HADH: variants seen among roughly 807,000 people sequenced by gnomAD.
HADH encodes the protein hydroxyacyl-CoA dehydrogenase.
A neutral mutation model predicts 32.2 loss-of-function variants in HADH; 24 were observed. The ratio of observed to expected loss-of-function variants is 0.75; its 90% CI spans 0.54 to 1.05. The LOEUF (loss-of-function observed/expected upper bound fraction) is 1.05. Among genes scored for constraint, HADH ranks in the 50% least tolerant of loss-of-function variants. The pLI is 0.00. For missense variants in HADH, 350 were observed against 397.1 expected, an observed-to-expected ratio of 0.88 and a Z score of 1.01; for synonymous variants, 139 against 152.5, an observed-to-expected ratio of 0.91 and a Z score of 0.65.
intron 6 of HADH, chr4:108,029,187 C>G (rs376992637): frequency 1.3e-5 from 4 of 308,056 alleles, no homozygotes; most frequent in Non-Finnish European, 2.4e-5. Context: ...CACCTGCTCC[C>G]TCCTCTCAGC....
intron 7 of HADH, among the ~76,000 whole-genome samples, chr4:108,033,665 A>G (rs889721394): frequency 1.3e-5 from 2 of 152,222 alleles, no homozygotes; most frequent in African/African-American, 4.8e-5. Context: ...GATTTGTGTA[A>G]CCTCCATTGC....
intron 1 of HADH, among the ~76,000 whole-genome samples, chr4:107,997,827 G>A (rs6819213): frequency 0.87 from 131,906 of 152,182 alleles, 58,051 homozygotes; most frequent in East Asian, 0.97. Flanking sequence ...GAAAGGAGAA[G>A]AAGAAGGCCT....
chr4:108,015,097 T>A (rs1311221787), intron 3 of HADH, among the ~76,000 whole-genome samples: 1 of 152,184 alleles, frequency 6.6e-6, no homozygotes, highest in Non-Finnish European at 1.5e-5. Flanking sequence ...AACATATGAG[T>A]GCAGGTATCT....
At chr4:108,012,108 G>C (rs1232186259) in intron 2 of HADH, among the ~76,000 whole-genome samples, 1 of 151,706 alleles carries the variant, frequency 6.6e-6, no homozygotes. Context: ...TGTTGCCCAG[G>C]CTGCTCTCAA....
chr4:108,023,458 T>A lies in HADH; in HGVS notation c.547-16T>A. The stretch of plus-strand genomic sequence containing the variant: ...TGCTGACACTCTGGTCATAATTCTC[T>A]GCTTTGCATTTCCAGGTCATTAAAA... On this transcript the variant is annotated splice_polypyrimidine_tract_variant and intron_variant, in intron 4 of 7. Transcript: ENST00000309522. The A allele has an allele frequency of 6.6e-7, 1 of 1,524,428 alleles. No individual in the cohort carries two copies. The highest frequency in any genetic ancestry group is 9.1e-7 in the Non-Finnish European group (1 of 1,097,750). The allele number at this position is 1,524,428 out of a possible 1,614,324, so 94.4% of individuals were successfully genotyped here. A position where few individuals can be genotyped will look rare whatever the true frequency, so the allele number is the denominator to read the frequency against.
Position 108,019,567 on chromosome 4 carries a change from C to T in HADH, c.447C>T (p.Ser149=), listed in dbSNP as rs1477447276. 1.9e-6 allele frequency: 3 copies of T among 1,613,732 alleles called. No individual in the cohort carries two copies. The highest frequency in any genetic ancestry group is 2.5e-6 in the Non-Finnish European group (3 of 1,179,606). ...AEHTIFASNT[S]SLQITSIANA... Reference sequence around the variant, plus strand: ...ATACAATCTTTGCCAGCAACACTTCCTCCTTGCAGATTACAAGCATAGCTA... The same window carrying T: ...ATACAATCTTTGCCAGCAACACTTCTTCCTTGCAGATTACAAGCATAGCTA... Residue 149 remains serine, a synonymous_variant, in exon 4 of 8, where the codon TCC becomes TCT. Coordinates refer to ENST00000309522, the MANE Select transcript of HADH (RefSeq NM_005327.7).
At chr4:108,007,792 G>C (rs548026915) in intron 1 of HADH, among the ~76,000 whole-genome samples, 1 of 152,188 alleles carries the variant, frequency 6.6e-6, no homozygotes, top group Non-Finnish European at 1.5e-5. Context: ...TATGTACCAG[G>C]CATCAGGTTA....
intron 1 of HADH, among the ~76,000 whole-genome samples, chr4:108,001,102 A>T (rs1033059514): frequency 6.6e-6 from 1 of 152,230 alleles, no homozygotes; most frequent in Non-Finnish European, 1.5e-5. Context: ...AAAAGGCTTC[A>T]TGGAGAGGGT....
intron 1 of HADH, among the ~76,000 whole-genome samples, chr4:107,993,539 G>A (rs562801094): frequency 2.0e-5 from 3 of 152,084 alleles, no homozygotes; most frequent in Non-Finnish European, 4.4e-5. Flanking sequence ...TTTTAAACAC[G>A]TCAGTTTGTG....
intron 1 of HADH, among the ~76,000 whole-genome samples, chr4:107,998,696 C>A (rs892281380): frequency 2.0e-5 from 3 of 151,996 alleles, no homozygotes; most frequent in African/African-American, 7.2e-5. Flanking sequence ...GACTGTCATG[C>A]ATGAGGCAAT....
At chr4:108,006,916 C>T (rs954380205) in intron 1 of HADH, among the ~76,000 whole-genome samples, 4 of 152,108 alleles carry the variant, frequency 2.6e-5, no homozygotes, top group Non-Finnish European at 5.9e-5. Flanking sequence ...GCCTTAGGCA[C>T]ATTATTTAAC....
At chr4:108,009,308 T>C (rs1467723771) in intron 1 of HADH, among the ~76,000 whole-genome samples, 1 of 152,226 alleles carries the variant, frequency 6.6e-6, no homozygotes, top group Non-Finnish European at 1.5e-5. Flanking sequence ...CTGAGCACTT[T>C]GAAATATGGC....
chr4:108,009,978 T>TTTC, intron 2 of HADH, 91 bp downstream of exon 2: 1 of 312,448 alleles, frequency 3.2e-6, no homozygotes, highest in Non-Finnish European at 5.0e-6. Context: ...TCTTTCTTTC[T>TTTC]TTTTTTTTTT....
Position 108,027,132 on chromosome 4 carries a change from G to T in HADH, c.637-556G>T, listed in dbSNP as rs191939883. 1.5e-4 allele frequency: 26 copies of T among 178,734 alleles called. 2 individuals carry two copies. Among genetic ancestry groups the T allele is most frequent in the South Asian group, 1.2e-3 (10 of 8,020 alleles). 11.1% of individuals were successfully genotyped at this position (178,734 alleles called of 1,614,324 possible). A position where few individuals can be genotyped will look rare whatever the true frequency, so the allele number is the denominator to read the frequency against. ...CCTGAGAAGTTGCTGAGTAGCCGAG[G>T]AGTGGCTCCAAGGAGCCTGGAAAGC... On this transcript the variant is annotated intron_variant, in intron 5 of 7. Coordinates refer to ENST00000309522, the MANE Select transcript of HADH (RefSeq NM_005327.7).
At chr4:107,991,850 A>T (rs1734823133) in intron 1 of HADH, among the ~76,000 whole-genome samples, 1 of 152,208 alleles carries the variant, frequency 6.6e-6, no homozygotes, top group South Asian at 2.1e-4. Context: ...TAGGGCCTTA[A>T]GCAGCCTCCA....
intron 1 of HADH, among the ~76,000 whole-genome samples, chr4:107,998,866 C>A (rs1296611653): frequency 1.3e-5 from 2 of 151,978 alleles, no homozygotes; most frequent in Non-Finnish European, 2.9e-5. Flanking sequence ...CTTCTCTGAC[C>A]TTTGTTGTAC....
intron 5 of HADH, chr4:108,026,509 C>G (rs1052187943): frequency 1.3e-5 from 2 of 152,144 alleles, no homozygotes; most frequent in African/African-American, 2.4e-5. Flanking sequence ...ATTATAAAAT[C>G]TGTATTGTTC....
Position 108,035,106 on chromosome 4 carries a change from T to C in HADH, c.*749T>C, listed in dbSNP as rs1389276128. 1 of 152,546 alleles carries C rather than the reference T, an allele frequency of 6.6e-6. No individual in the cohort carries two copies. The highest frequency in any genetic ancestry group is 6.5e-5 in the Admixed American group (1 of 15,336). 9.4% of individuals were successfully genotyped at this position (152,546 alleles called of 1,614,324 possible). A position where few individuals can be genotyped will look rare whatever the true frequency, so the allele number is the denominator to read the frequency against. On this transcript the variant is annotated 3_prime_UTR_variant, in exon 8 of 8. Coordinates refer to ENST00000309522, the MANE Select transcript of HADH (RefSeq NM_005327.7). Reference sequence around the variant, plus strand: ...GTCTGAAAATTTGAATTGAAAAAAATGTATAATATAAAATTGTAATACACT... The same window carrying C: ...GTCTGAAAATTTGAATTGAAAAAAACGTATAATATAAAATTGTAATACACT...
chr4:107,990,086 G>T, intron 1 of HADH, 22 bp downstream of exon 1: 3 of 1,594,666 alleles, frequency 1.9e-6, no homozygotes, highest in Non-Finnish European at 2.6e-6. Context: ...TCCCTGCAGC[G>T]TGCCCACGCG....
Sources: allele counts gnomAD v4.1 joint callset (sites outside exome capture counted in the v4.1 genomes callset), GRCh38; gene constraint gnomAD v4.1.1; transcripts MANE v1.5; gene names NCBI Gene and HGNC (gene_info 2026-07-23, HGNC 2026-07-21).